RPS6KC1: variants seen among roughly 807,000 people sequenced by gnomAD.
RPS6KC1 encodes the protein ribosomal protein S6 kinase C1.
A neutral mutation model predicts 103.8 loss-of-function variants in RPS6KC1; 54 were observed. That is an observed-to-expected ratio of 0.52 (90% CI 0.42 to 0.65). RPS6KC1 has a LOEUF of 0.65. RPS6KC1 is among the 30% of genes least tolerant of loss of function. The pLI is 0.00. For synonymous variants in RPS6KC1, 439 were observed against 438.7 expected (o/e 1.00, Z -0.01); for missense variants, 1,151 against 1,253.8 (o/e 0.92, Z 1.24).
intron 1 of RPS6KC1, among the ~76,000 whole-genome samples, chr1:213,062,830 GGC>G (rs2077972269): frequency 2.0e-5 from 3 of 152,162 alleles, no homozygotes; most frequent in Non-Finnish European, 4.4e-5. Flanking sequence ...TGGGATTACA[GGC>G]GTGAGCCATC....
At chr1:213,122,673 A>T (rs1572675600) in intron 5 of RPS6KC1, among the ~76,000 whole-genome samples, 1 of 151,940 alleles carries the variant, frequency 6.6e-6, no homozygotes, top group East Asian at 1.9e-4. Flanking sequence ...CACCATAAGA[A>T]CTCTAAATCT....
At chr1:213,143,785 T>G (rs913469258) in intron 6 of RPS6KC1, among the ~76,000 whole-genome samples, 2 of 151,906 alleles carry the variant, frequency 1.3e-5, no homozygotes, top group African/African-American at 4.8e-5. Flanking sequence ...AAATCTGACG[T>G]GAACCACACT....
At chr1:213,709,709 G>C in the RPS6KC1 span, among the ~76,000 whole-genome samples, 2 of 152,110 alleles carry the variant, frequency 1.3e-5, no homozygotes, top group East Asian at 1.9e-4. Flanking sequence ...ACAGATATTG[G>C]TACATTGTGT....
chr1:213,805,726 A>G, the RPS6KC1 span, among the ~76,000 whole-genome samples: 1 of 152,242 alleles, frequency 6.6e-6, no homozygotes, highest in Non-Finnish European at 1.5e-5. Context: ...TCACAAATCA[A>G]AATGTTCTTA....
the RPS6KC1 span, among the ~76,000 whole-genome samples, chr1:213,320,275 G>C: frequency 6.6e-6 from 1 of 152,188 alleles, no homozygotes; most frequent in African/African-American, 2.4e-5. Context: ...GATTCAGTCA[G>C]GTATATTTAT....
the RPS6KC1 span, among the ~76,000 whole-genome samples, chr1:213,638,886 A>T: frequency 6.6e-6 from 1 of 152,076 alleles, no homozygotes; most frequent in Non-Finnish European, 1.5e-5. Flanking sequence ...AATTTCTGCA[A>T]AAAAGGCATG....
the RPS6KC1 span, among the ~76,000 whole-genome samples, chr1:213,705,859 AG>A: frequency 6.6e-6 from 1 of 152,202 alleles, no homozygotes; most frequent in Non-Finnish European, 1.5e-5. Context: ...CTTCTGGCCC[AG>A]GGTGTATCTA....
chr1:213,220,001 G>A (rs1315678333), intron 8 of RPS6KC1, among the ~76,000 whole-genome samples: 3 of 141,770 alleles, frequency 2.1e-5, no homozygotes, highest in Non-Finnish European at 4.9e-5. Context: ...AAAACTTTAA[G>A]TATAATAATT....
At chr1:213,137,797 ATATTTTTTTT>A (rs1474554874) in intron 6 of RPS6KC1, among the ~76,000 whole-genome samples, 1 of 33,052 alleles carries the variant, frequency 3.0e-5, no homozygotes, top group African/African-American at 8.6e-5. Context: ...ATATATATAT[ATATTTTTTTT>A]TTTTTTTTTT....
chr1:213,389,015 T>C, the RPS6KC1 span, among the ~76,000 whole-genome samples: 1 of 151,966 alleles, frequency 6.6e-6, no homozygotes, highest in Non-Finnish European at 1.5e-5. Context: ...GTAGGAATAG[T>C]GGGGTGACAA....
chr1:213,618,623 C>T, the RPS6KC1 span, among the ~76,000 whole-genome samples: 24 of 152,292 alleles, frequency 1.6e-4, no homozygotes, highest in South Asian at 5.0e-3. Context: ...GTCATGTGGC[C>T]TTTCCGCAAC....
At chr1:213,831,101 C>G in the RPS6KC1 span, among the ~76,000 whole-genome samples, 1 of 152,170 alleles carries the variant, frequency 6.6e-6, no homozygotes, top group Non-Finnish European at 1.5e-5. Context: ...TCTGCCTGGC[C>G]ACCTTCAACT....
chr1:213,451,913 T>C, the RPS6KC1 span, among the ~76,000 whole-genome samples: 1 of 152,178 alleles, frequency 6.6e-6, no homozygotes, highest in African/African-American at 2.4e-5. Context: ...TGCTCCAGCC[T>C]GGGTGGCGTC....
the RPS6KC1 span, among the ~76,000 whole-genome samples, chr1:213,700,202 G>A: frequency 1.6e-4 from 24 of 151,814 alleles, no homozygotes; most frequent in Admixed American, 2.6e-4. Context: ...TAAGTCATTC[G>A]TTCATTTTTT....
chr1:213,714,977 G>A, the RPS6KC1 span, among the ~76,000 whole-genome samples: 1 of 152,132 alleles, frequency 6.6e-6, no homozygotes. Context: ...GCATAGAGGG[G>A]CCAATCAAAG....
At chr1:213,655,699 C>T in the RPS6KC1 span, among the ~76,000 whole-genome samples, 3 of 152,136 alleles carry the variant, frequency 2.0e-5, no homozygotes, top group Admixed American at 6.5e-5. Context: ...AGAACCCTCA[C>T]TTTAAAGGGA....
the RPS6KC1 span, among the ~76,000 whole-genome samples, chr1:213,750,314 A>C: frequency 2.6e-5 from 4 of 152,220 alleles, no homozygotes; most frequent in East Asian, 7.7e-4. Context: ...TCAAATAGCC[A>C]TTTTATTGGT....
At chr1:213,200,343 T>C (rs2093115962) in intron 8 of RPS6KC1, among the ~76,000 whole-genome samples, 1 of 152,038 alleles carries the variant, frequency 6.6e-6, no homozygotes, top group Non-Finnish European at 1.5e-5. Context: ...TACCCACAAC[T>C]ATCTGATCTT....
the RPS6KC1 span, among the ~76,000 whole-genome samples, chr1:213,393,365 T>C: frequency 6.6e-6 from 1 of 152,242 alleles, no homozygotes; most frequent in Non-Finnish European, 1.5e-5. Flanking sequence ...CTTTCTCTTT[T>C]GGTCCACCCG....
Sources: allele counts gnomAD v4.1 joint callset (sites outside exome capture counted in the v4.1 genomes callset), GRCh38; gene constraint gnomAD v4.1.1; transcripts MANE v1.5; gene names NCBI Gene and HGNC (gene_info 2026-07-23, HGNC 2026-07-21).